Variants in TUSC3 observed in about 807,000 individuals in gnomAD.
TUSC3 encodes the protein dolichyl-diphosphooligosaccharide--protein glycosyltransferase subunit TUSC3.
TUSC3 carries 45 observed loss-of-function variants against 44.8 expected under a neutral mutation model. The observed-to-expected ratio is 1.00, with a 90% confidence interval of 0.79 to 1.29. The LOEUF is 1.29. Ranked by LOEUF, TUSC3 falls within the 50% of genes most tolerant of loss-of-function variation. The pLI is 0.00. For synonymous variants in TUSC3, 212 were observed against 152.9 expected (o/e 1.39, Z -2.85); for missense variants, 519 against 437.9 (o/e 1.19, Z -1.65).
At chr8:15,781,764 AGGAAATAAT>A in the TUSC3 span, among the ~76,000 whole-genome samples, 1,467 of 152,312 alleles carry the variant, frequency 9.6e-3, 28 homozygotes, top group African/African-American at 0.034. Flanking sequence ...AAAACTGAAG[AGGAAATAAT>A]GCTTCCAAAC....
the TUSC3 span, among the ~76,000 whole-genome samples, chr8:15,851,717 C>G: frequency 6.6e-6 from 1 of 152,288 alleles, no homozygotes; most frequent in South Asian, 2.1e-4. Flanking sequence ...TGTATTGACT[C>G]TTCTTCATTT....
At chr8:15,518,405 T>C (rs1193373529) in intron 2 of TUSC3, among the ~76,000 whole-genome samples, 1 of 152,102 alleles carries the variant, frequency 6.6e-6, no homozygotes, top group Non-Finnish European at 1.5e-5. Context: ...AGAAAAATAG[T>C]AGGAAAAATA....
At chr8:15,431,678 C>G (rs1032886180) in intron 1 of TUSC3, among the ~76,000 whole-genome samples, 1 of 151,548 alleles carries the variant, frequency 6.6e-6, no homozygotes, top group African/African-American at 2.4e-5. Flanking sequence ...TGACTAATTT[C>G]TCTGGCAAGG....
chr8:15,679,962 A>G (rs1043227824), intron 6 of TUSC3, among the ~76,000 whole-genome samples: 1 of 152,036 alleles, frequency 6.6e-6, no homozygotes, highest in Non-Finnish European at 1.5e-5. Flanking sequence ...TTTTGTACCA[A>G]TACCATGCTG....
chr8:15,774,293 C>G, the TUSC3 span, among the ~76,000 whole-genome samples: 2 of 152,108 alleles, frequency 1.3e-5, no homozygotes, highest in Non-Finnish European at 2.9e-5. Flanking sequence ...TACATCCTTA[C>G]TTGGAAATAG....
rs1002529995 is a variant in TUSC3, at chr8:15,419,336, C to G, written n.91+2031C>G. 2.1e-4 allele frequency among the ~76,000 whole-genome samples: 32 copies of G among 152,318 alleles called. 1 individual carries two copies. The highest frequency in any genetic ancestry group is 1.9e-3 in the Admixed American group (29 of 15,308). ...AGCTATTGCAGTACTTCAGCTGTTG[C>G]ATAACTTTCCGTGCAATCAATGTCT... On this transcript the variant is annotated intron_variant and non_coding_transcript_variant, in intron 1 of 5. Transcript: ENST00000503191.
At chr8:15,674,097 A>AT (rs2129183576) in intron 6 of TUSC3, among the ~76,000 whole-genome samples, 1 of 151,982 alleles carries the variant, frequency 6.6e-6, no homozygotes, top group East Asian at 1.9e-4. Flanking sequence ...TGCATTCACT[A>AT]TTTTTTCAAG....
chr8:15,460,703 G>A (rs1180234819), intron 1 of TUSC3, among the ~76,000 whole-genome samples: 1 of 152,130 alleles, frequency 6.6e-6, no homozygotes, highest in Non-Finnish European at 1.5e-5. Context: ...GTTGATTTTT[G>A]TGTAAGATGA....
chr8:15,760,230 T>C (rs1812114807), intron 10 of TUSC3, among the ~76,000 whole-genome samples: 2 of 152,138 alleles, frequency 1.3e-5, no homozygotes, highest in South Asian at 2.1e-4. Flanking sequence ...GAAGAAAATA[T>C]ATTCATAAAT....
chr8:15,480,286 C>A (rs1320197307), intron 1 of TUSC3, among the ~76,000 whole-genome samples: 1 of 152,158 alleles, frequency 6.6e-6, no homozygotes, highest in Non-Finnish European at 1.5e-5. Context: ...TATGCTATTC[C>A]CATTTAACTA....
At position 15,693,791 on chromosome 8, in the gene TUSC3, T is replaced by G. The variant is rs1205366294; in HGVS notation, c.798+19955T>G. Among the ~76,000 whole-genome samples the G allele has an allele frequency of 2.0e-5, 3 of 152,258 alleles. No homozygotes were observed. The East Asian group carries it at 5.8e-4, about 30-fold the overall frequency. ...TACAGGGACACCAGTGAGTCGTAGA[T>G]TTGGTTCCCTTTACATAGTCCCATA... On this transcript the variant is annotated intron_variant, in intron 6 of 10. Transcript: ENST00000503731.
chr8:15,492,120 A>G (rs182052627), intron 2 of TUSC3, among the ~76,000 whole-genome samples: 144 of 152,206 alleles, frequency 9.5e-4, no homozygotes, highest in African/African-American at 3.3e-3. Flanking sequence ...ACCATATGGC[A>G]GTCTTTTTGG....
intron 2 of TUSC3, among the ~76,000 whole-genome samples, chr8:15,512,870 G>GTATATATATATATATA (rs371387088): frequency 9.9e-6 from 1 of 101,224 alleles, no homozygotes; most frequent in Admixed American, 1.1e-4. Context: ...ATATATGTGT[G>GTATATATATATATATA]TGTATATATA....
chr8:15,534,687 A>T (rs2129131075), intron 2 of TUSC3, among the ~76,000 whole-genome samples: 1 of 151,582 alleles, frequency 6.6e-6, no homozygotes, highest in East Asian at 1.9e-4. Context: ...AATTTAAAGG[A>T]GTTTAATTGA....
At chr8:15,592,704 A>G (rs552613592) in intron 1 of TUSC3, among the ~76,000 whole-genome samples, 1 of 152,318 alleles carries the variant, frequency 6.6e-6, no homozygotes, top group South Asian at 2.1e-4. Context: ...TATTTTCTTT[A>G]TAAATTATCA....
intron 2 of TUSC3, among the ~76,000 whole-genome samples, chr8:15,634,845 T>A (rs1472792498): frequency 2.0e-5 from 3 of 152,220 alleles, no homozygotes; most frequent in African/African-American, 7.2e-5. Flanking sequence ...GATGTTCGTC[T>A]GGAGAGTTTT....
the TUSC3 span, among the ~76,000 whole-genome samples, chr8:15,819,080 T>G: frequency 6.6e-6 from 1 of 152,090 alleles, no homozygotes; most frequent in Non-Finnish European, 1.5e-5. Flanking sequence ...AAAAATTATT[T>G]TATCTGGAGA....
At chr8:15,818,236 ATT>A in the TUSC3 span, among the ~76,000 whole-genome samples, 4 of 152,194 alleles carry the variant, frequency 2.6e-5, no homozygotes. Context: ...GATAGTCATC[ATT>A]CTTTTTTTAG....
At chr8:15,849,737 C>G in the TUSC3 span, among the ~76,000 whole-genome samples, 1 of 152,060 alleles carries the variant, frequency 6.6e-6, no homozygotes, top group African/African-American at 2.4e-5. Context: ...CCTATCAACT[C>G]AGTGACAATG....
Sources: allele counts gnomAD v4.1 joint callset (sites outside exome capture counted in the v4.1 genomes callset), GRCh38; gene constraint gnomAD v4.1.1; transcripts MANE v1.5; gene names NCBI Gene and HGNC (gene_info 2026-07-23, HGNC 2026-07-21).